EXT1: variants seen among roughly 807,000 people sequenced by gnomAD.
EXT1 encodes exostosin-1.
In EXT1, 20 loss-of-function variants were observed where a neutral mutation model predicts 82.5. The observed-to-expected ratio is 0.24, with a 90% CI of 0.17 to 0.35. The LOEUF is 0.35. Ranked by LOEUF, EXT1 falls within the 10% of genes least tolerant of loss-of-function variation. The probability of loss-of-function intolerance (pLI) is 1.00; values close to 1 mark genes in which losing one functional copy is unlikely to be tolerated. For synonymous variants in EXT1, 348 were observed against 350.8 expected (o/e 0.99, Z 0.09); for missense variants, 757 against 936.5 (o/e 0.81, Z 2.50).
At chr8:117,910,259 G>C (rs1444829004) in intron 1 of EXT1, among the ~76,000 whole-genome samples, 2 of 152,192 alleles carry the variant, frequency 1.3e-5, no homozygotes, top group African/African-American at 2.4e-5. Flanking sequence ...GGAGGTCAAA[G>C]GGGGCTGCTG....
chr8:117,863,221 CA>C (rs1359475101), intron 1 of EXT1, among the ~76,000 whole-genome samples: 1 of 144,920 alleles, frequency 6.9e-6, no homozygotes, highest in African/African-American at 2.4e-5. Context: ...CCTCTTTTTA[CA>C]GAGCAGAAAA....
At chr8:117,939,522 T>C (rs1010975875) in intron 1 of EXT1, among the ~76,000 whole-genome samples, 1 of 148,834 alleles carries the variant, frequency 6.7e-6, no homozygotes, top group East Asian at 2.0e-4. Context: ...TAAGCCAAGA[T>C]TGCACCACTG....
At chr8:118,007,072 C>A (rs1021969287) in intron 1 of EXT1, among the ~76,000 whole-genome samples, 1 of 152,118 alleles carries the variant, frequency 6.6e-6, no homozygotes, top group Admixed American at 6.6e-5. Context: ...CCGAGACAGG[C>A]GGATCACGAG....
chr8:117,920,392 G>A (rs546091579), intron 1 of EXT1, among the ~76,000 whole-genome samples: 3 of 152,238 alleles, frequency 2.0e-5, no homozygotes, highest in South Asian at 4.1e-4. Flanking sequence ...ATGAGCCACC[G>A]CACCTGGCCC....
At chr8:118,065,882 A>G (rs564115335) in intron 1 of EXT1, among the ~76,000 whole-genome samples, 1 of 152,338 alleles carries the variant, frequency 6.6e-6, no homozygotes, top group East Asian at 1.9e-4. Context: ...TCTGCCGCTA[A>G]GTATCTGCCT....
chr8:117,975,919 C>T (rs910098758), intron 1 of EXT1, among the ~76,000 whole-genome samples: 10 of 152,216 alleles, frequency 6.6e-5, no homozygotes, highest in Admixed American at 3.3e-4. Context: ...TGACCCTCGA[C>T]GCTTATATTA....
In EXT1 at chr8:118,111,261, G is replaced by T; in HGVS notation, c.-215C>A. 1.4e-6 allele frequency: 1 copy of T among 714,368 alleles called. No individual in the cohort carries two copies. The allele number at this position is 714,368 out of a possible 1,614,324, so 44.3% of individuals were successfully genotyped here. A position where few individuals can be genotyped will look rare whatever the true frequency, so the allele number is the denominator to read the frequency against. ...TCTCCCCTTCGGTCTTTCATCTTTGGGTTGCACAATGCACGGGAGAGAGCG... is the reference window on the plus strand; with the variant it reads ...TCTCCCCTTCGGTCTTTCATCTTTGTGTTGCACAATGCACGGGAGAGAGCG... On this transcript the variant is annotated 5_prime_UTR_variant, in exon 1 of 11. Transcript: ENST00000378204.
chr8:117,804,730 T>A lies in EXT1; in HGVS notation c.2047A>T (p.Met683Leu), dbSNP rs1198261263. 6.2e-7 allele frequency: 1 copy of A among 1,614,068 alleles called. No homozygotes were observed. Residue 683 changes from methionine to leucine, a missense_variant, in exon 10 of 11, where the codon ATG (methionine) becomes TTG (leucine). Transcript: ENST00000378204. ...TQKKQYKETM[M>L]GQTSRASRWA... The stretch of plus-strand genomic sequence containing the variant: ...GGCTCTTCTATACTTACCTGTCCCA[T>A]CATTGTCTCCTTATACTGCTTCTTC...
At chr8:117,862,540 G>A (rs1812703119) in intron 1 of EXT1, among the ~76,000 whole-genome samples, 1 of 145,726 alleles carries the variant, frequency 6.9e-6, no homozygotes, top group Non-Finnish European at 1.5e-5. Context: ...TCAGTAGTCA[G>A]TGAGTCGCTT....
At chr8:117,941,381 C>G (rs2129672990) in intron 1 of EXT1, among the ~76,000 whole-genome samples, 1 of 152,258 alleles carries the variant, frequency 6.6e-6, no homozygotes, top group South Asian at 2.1e-4. Context: ...AGGGACTTTG[C>G]TACTATAACA....
At chr8:117,999,934 GTA>G (rs147547390) in intron 1 of EXT1, among the ~76,000 whole-genome samples, 64 of 148,372 alleles carry the variant, frequency 4.3e-4, no homozygotes, top group South Asian at 6.4e-4. Context: ...ATTTCTGAGT[GTA>G]TATATATATA....
intron 1 of EXT1, among the ~76,000 whole-genome samples, chr8:118,076,562 G>A (rs1817215259): frequency 6.6e-6 from 1 of 152,218 alleles, no homozygotes; most frequent in African/African-American, 2.4e-5. Flanking sequence ...CAATGGCTGT[G>A]TTATTCACCC....
intron 1 of EXT1, among the ~76,000 whole-genome samples, chr8:118,055,158 T>C (rs1163797818): frequency 6.6e-6 from 1 of 152,186 alleles, no homozygotes; most frequent in Non-Finnish European, 1.5e-5. Context: ...ACTCCAACCA[T>C]TGTACTGCAA....
chr8:117,864,334 T>A (rs1812736034), intron 1 of EXT1, among the ~76,000 whole-genome samples: 1 of 152,196 alleles, frequency 6.6e-6, no homozygotes, highest in Non-Finnish European at 1.5e-5. Flanking sequence ...TTGCTTGCCT[T>A]TTTTGGGAAC....
At chr8:117,894,156 T>C (rs1813295419) in intron 1 of EXT1, among the ~76,000 whole-genome samples, 1 of 152,100 alleles carries the variant, frequency 6.6e-6, no homozygotes, top group South Asian at 2.1e-4. Context: ...CTCTAATCAC[T>C]CTCTGGTTTT....
At chr8:117,976,912 G>C (rs1815076151) in intron 1 of EXT1, among the ~76,000 whole-genome samples, 1 of 151,996 alleles carries the variant, frequency 6.6e-6, no homozygotes. Flanking sequence ...ATGATGTCAG[G>C]GCGTTGGTAT....
Position 118,100,372 on chromosome 8 carries a change from C to T in EXT1, c.962+9713G>A, listed in dbSNP as rs147643335. Among the ~76,000 whole-genome samples the T allele has an allele frequency of 4.6e-5, 7 of 152,248 alleles. No individual in the cohort carries two copies. The South Asian group carries it at 8.3e-4, about 18-fold the overall frequency. On this transcript the variant is annotated intron_variant, in intron 1 of 10. Transcript: ENST00000378204. ...TTTGCAACATAAGGGCCTGCTGAAC[C>T]GGCCGAGGGAGGCTTCCCAGTAGCT...
chr8:117,809,220 T>A (rs941789818), intron 8 of EXT1, among the ~76,000 whole-genome samples: 1 of 77,562 alleles, frequency 1.3e-5, no homozygotes, highest in South Asian at 4.1e-4. Context: ...TGTGTATAAA[T>A]ATATATATAT....
chr8:117,911,186 T>C (rs1033341518), intron 1 of EXT1, among the ~76,000 whole-genome samples: 1 of 152,216 alleles, frequency 6.6e-6, no homozygotes, highest in Non-Finnish European at 1.5e-5. Context: ...TGTTATTAAG[T>C]TCTTTGATAA....
Sources: gnomAD v4.1 joint callset for allele counts (sites outside exome capture counted in the v4.1 genomes callset) on GRCh38, gnomAD v4.1.1 for gene constraint, MANE v1.5 for transcripts, NCBI Gene and HGNC (gene_info 2026-07-23, HGNC 2026-07-21) for gene names.